ZNF451: variants seen among roughly 807,000 people sequenced by gnomAD.
ZNF451 encodes zinc finger protein 451.
A neutral mutation model predicts 107.1 loss-of-function variants in ZNF451; 80 were observed. That is an observed-to-expected ratio of 0.75 (90% CI 0.62 to 0.90). The LOEUF is 0.90. Among genes scored for constraint, ZNF451 ranks in the 40% least tolerant of loss-of-function variants. The probability of loss-of-function intolerance (pLI) is 0.00; values close to 1 mark genes in which losing one functional copy is unlikely to be tolerated. For synonymous variants in ZNF451, 362 were observed against 406.5 expected, an observed-to-expected ratio of 0.89 and a Z score of 1.32; for missense variants, 1,107 against 1,236.2, an observed-to-expected ratio of 0.90 and a Z score of 1.57.
intron 3 of ZNF451, chr6:57,100,768 G>A (rs779476810): frequency 2.1e-5 from 33 of 1,549,958 alleles, no homozygotes; most frequent in Non-Finnish European, 6.1e-6. Flanking sequence ...GAACCCATTG[G>A]AGAACCAGAA....
chr6:57,139,184 A>G (rs769685378), intron 7 of ZNF451, among the ~76,000 whole-genome samples: 29 of 152,270 alleles, frequency 1.9e-4, no homozygotes, highest in Admixed American at 6.5e-4. Flanking sequence ...GCACTCATCA[A>G]ATTAAAACAG....
intron 3 of ZNF451, chr6:57,099,604 T>C (rs1161216107): frequency 1.3e-5 from 9 of 694,398 alleles, no homozygotes; most frequent in Non-Finnish European, 2.4e-5. Context: ...GATATATTAC[T>C]TCAGTCATCA....
Position 57,124,359 on chromosome 6 carries a change from CCTGCTAGAAGGTTT to C in ZNF451, c.187-369_187-356del, listed in dbSNP as rs1830809169. 7.1e-6 allele frequency: 5 copies of C among 703,206 alleles called. No homozygotes were observed. The Admixed American group carries it at 1.0e-4, about 14-fold the overall frequency. 43.6% of individuals were successfully genotyped at this position (703,206 alleles called of 1,614,324 possible). ...TAGAGTTTAGTTTCCTATGGAGGTT[CCTGCTAGAAGGTTT>C]CTGCTTTAGTAAGTCGATGTTCTTT... On this transcript the variant is annotated intron_variant, in intron 3 of 14. Transcript: ENST00000370706.
intron 3 of ZNF451, chr6:57,109,075 G>T (rs1352198356): frequency 1.0e-6 from 1 of 985,282 alleles, no homozygotes. Context: ...ACTAGTATTT[G>T]ATGTCTTAGC....
chr6:57,096,093 A>G (rs1041699691), intron 2 of ZNF451, among the ~76,000 whole-genome samples: 3 of 149,510 alleles, frequency 2.0e-5, no homozygotes, highest in Admixed American at 2.0e-4. Flanking sequence ...CAAAGTGCTG[A>G]GATTACAGGC....
At chr6:57,095,048 G>T (rs1180879560) in intron 2 of ZNF451, among the ~76,000 whole-genome samples, 1 of 152,150 alleles carries the variant, frequency 6.6e-6, no homozygotes, top group African/African-American at 2.4e-5. Flanking sequence ...AATAAATGGA[G>T]TACTAAATGT....
intron 13 of ZNF451, chr6:57,159,033 T>TA: frequency 5.1e-6 from 5 of 985,376 alleles, no homozygotes; most frequent in Non-Finnish European, 6.0e-6. Flanking sequence ...ACTTATTTCT[T>TA]AAAGTCTGTC....
chr6:57,128,588 ATTTC>A, intron 4 of ZNF451, 137 bp from the exon 5 acceptor site: 1 of 614,312 alleles, frequency 1.6e-6, no homozygotes, highest in Admixed American at 3.1e-5. Flanking sequence ...ATTTTGATGT[ATTTC>A]TTTGTCATAC....
intron 2 of ZNF451, among the ~76,000 whole-genome samples, chr6:57,093,750 A>G (rs558615293): frequency 2.6e-4 from 40 of 152,370 alleles, no homozygotes; most frequent in African/African-American, 8.7e-4. Flanking sequence ...AGAAGAAACA[A>G]GGAAAGGCAT....
chr6:57,147,036 G>A lies in ZNF451; in HGVS notation c.1005-54G>A, dbSNP rs569390653. 1.5e-5 allele frequency: 22 copies of A among 1,462,294 alleles called. No homozygotes were observed. In the South Asian group the frequency reaches 2.9e-4, roughly 19 times the overall value. 90.6% of individuals were successfully genotyped at this position (1,462,294 alleles called of 1,614,324 possible). A position where few individuals can be genotyped will look rare whatever the true frequency, so the allele number is the denominator to read the frequency against. ...ATTCCTGCAATAAAATGCAGCAATGGTATATTTAGAAAATACTTCTGAAAG... is the reference window on the plus strand; with the variant it reads ...ATTCCTGCAATAAAATGCAGCAATGATATATTTAGAAAATACTTCTGAAAG... On this transcript the variant is annotated intron_variant, in intron 9 of 14. Coordinates refer to ENST00000370706, the MANE Select transcript of ZNF451 (RefSeq NM_001031623.3).
rs765159801 is a variant in ZNF451 at position 57,154,039 on chromosome 6, C to T, written c.3062C>T (p.Thr1021Ile). Residue 1021 changes from threonine to isoleucine, a missense_variant, in exon 13 of 15, where the codon ACC (threonine) becomes ATC (isoleucine). Thr to Ile is a moderately conservative substitution (Grantham distance 89). Around this residue, in one of 5 missense-constraint regions of ZNF451, gnomAD observed 151 missense variants for 173.3 expected, o/e 0.87. Coordinates refer to ENST00000370706, the MANE Select transcript of ZNF451 (RefSeq NM_001031623.3). ...GCCTTGTTAAATAGCATATCTGATA[C>T]CACCAAAGGTACGCAGCTGCAGTCA... Reference protein sequence around the residue: ...MCALLNSISDTTKECDSDDNM... With the variant: ...MCALLNSISDITKECDSDDNM... The T allele has an allele frequency of 7.4e-6, 12 of 1,614,150 alleles. No individual in the cohort carries two copies. The highest frequency in any genetic ancestry group is 9.3e-6 in the Non-Finnish European group (11 of 1,180,024).
chr6:57,159,003 T>A lies in ZNF451; in HGVS notation c.3071-2081T>A, dbSNP rs1373061591. Reference sequence around the variant, plus strand: ...AGCATCATGGCCTGTGGACTAGGCATTACCTAAAATAATTGTTGAACTTAT... The same window carrying A: ...AGCATCATGGCCTGTGGACTAGGCAATACCTAAAATAATTGTTGAACTTAT... On this transcript the variant is annotated intron_variant, in intron 13 of 14. Transcript: ENST00000370706. 6 of 985,366 alleles carry A rather than the reference T, an allele frequency of 6.1e-6. No individual in the cohort carries two copies. The African/African-American group carries it at 1.0e-4, about 17-fold the overall frequency. 61.0% of individuals were successfully genotyped at this position (985,366 alleles called of 1,614,324 possible).
chr6:57,105,476 T>G (rs1490116902), intron 3 of ZNF451: 2 of 985,336 alleles, frequency 2.0e-6, no homozygotes, highest in Non-Finnish European at 2.4e-6. Flanking sequence ...TGTACAGTGA[T>G]TTAATCTTGT....
intron 5 of ZNF451, among the ~76,000 whole-genome samples, 155 bp downstream of exon 5, chr6:57,128,995 G>A (rs946594118): frequency 2.0e-5 from 3 of 152,014 alleles, no homozygotes; most frequent in Non-Finnish European, 2.9e-5. Context: ...CTTTATAATG[G>A]CCTGCTTTGC....
At chr6:57,138,015 T>G (rs1333360641) in intron 7 of ZNF451, among the ~76,000 whole-genome samples, 1 of 152,194 alleles carries the variant, frequency 6.6e-6, no homozygotes, top group Non-Finnish European at 1.5e-5. Flanking sequence ...TGATGGACAT[T>G]TGGGTTGTTT....
chr6:57,110,197 G>A (rs964432444), intron 3 of ZNF451, among the ~76,000 whole-genome samples: 5 of 152,174 alleles, frequency 3.3e-5, no homozygotes, highest in African/African-American at 1.2e-4. Context: ...ACACAATGGG[G>A]TGTGTCTGGT....
chr6:57,126,302 A>G (rs1329011434), intron 4 of ZNF451, among the ~76,000 whole-genome samples: 1 of 152,152 alleles, frequency 6.6e-6, no homozygotes, highest in Non-Finnish European at 1.5e-5. Context: ...AATGACTCAC[A>G]TAGCAAGCTC....
At chr6:57,154,187 CT>C (rs1562627218) in intron 13 of ZNF451, 140 bp downstream of exon 13, 1 of 783,494 alleles carries the variant, frequency 1.3e-6, no homozygotes, top group Non-Finnish European at 2.0e-6. Context: ...TCTTACTTAT[CT>C]TTTTTAAAAA....
chr6:57,143,480 A>T (rs1453644829), intron 9 of ZNF451, among the ~76,000 whole-genome samples: 1 of 152,066 alleles, frequency 6.6e-6, no homozygotes, highest in Non-Finnish European at 1.5e-5. Flanking sequence ...TAATTTGCTT[A>T]TCTTTGTCTA....
Sources: allele counts gnomAD v4.1 joint callset (sites outside exome capture counted in the v4.1 genomes callset), GRCh38; gene constraint gnomAD v4.1.1; regional missense constraint gnomAD v4.1.1; transcripts MANE v1.5; gene names NCBI Gene and HGNC (gene_info 2026-07-23, HGNC 2026-07-21).